CELF4: variants seen among roughly 807,000 people sequenced by gnomAD.
The protein encoded by CELF4 is CUGBP Elav-like family member 4.
In CELF4, 18 loss-of-function variants were observed where a neutral mutation model predicts 59.9. The ratio of observed to expected loss-of-function variants is 0.30; its 90% confidence interval spans 0.21 to 0.45. The LOEUF (loss-of-function observed/expected upper bound fraction) is 0.45. CELF4 is among the 20% of genes least tolerant of loss of function. The pLI, the probability that CELF4 is intolerant of heterozygous loss-of-function variation, is 1.00. For synonymous variants in CELF4, 261 were observed against 267.1 expected, an observed-to-expected ratio of 0.98 and a Z score of 0.22; for missense variants, 456 against 689.0, an observed-to-expected ratio of 0.66 and a Z score of 3.79.
At chr18:37,282,061 T>A (rs2094208877) in intron 3 of CELF4, among the ~76,000 whole-genome samples, 1 of 152,172 alleles carries the variant, frequency 6.6e-6, no homozygotes. Flanking sequence ...GCAAGGCATA[T>A]AACTCCCCAG....
chr18:37,330,900 C>T (rs1031812594), intron 2 of CELF4, among the ~76,000 whole-genome samples: 3 of 152,094 alleles, frequency 2.0e-5, no homozygotes, highest in Non-Finnish European at 4.4e-5. Flanking sequence ...GAAGTGGTGG[C>T]GATCATCATT....
At chr18:37,470,390 G>A (rs895694272) in intron 2 of CELF4, among the ~76,000 whole-genome samples, 2 of 152,164 alleles carry the variant, frequency 1.3e-5, no homozygotes, top group African/African-American at 4.8e-5. Context: ...CTACTCAAAA[G>A]TAATAAAACT....
At chr18:37,513,941 CGTGTGTGTGTGTGTGTGTGTGT>C (rs5824070) in intron 1 of CELF4, among the ~76,000 whole-genome samples, 1 of 144,244 alleles carries the variant, frequency 6.9e-6, no homozygotes, top group African/African-American at 2.6e-5. Context: ...TGTGTGGTGC[CGTGTGTGTGTGTGTGTGTGTGT>C]GTGTGTGTGT....
chr18:37,268,295 G>T (rs1224477463), intron 8 of CELF4, among the ~76,000 whole-genome samples: 2 of 152,130 alleles, frequency 1.3e-5, no homozygotes, highest in African/African-American at 2.4e-5. Context: ...GGCGCTGAGG[G>T]CTCCTCAGTG....
At chr18:37,275,314 G>C (rs538503560) in intron 3 of CELF4, 71 bp from the exon 4 acceptor site, 161 of 1,553,732 alleles carry the variant, frequency 1.0e-4, no homozygotes, top group Non-Finnish European at 1.3e-4. Flanking sequence ...AAGGCCGGAG[G>C]GGGAGAGCGG....
intron 2 of CELF4, among the ~76,000 whole-genome samples, chr18:37,327,969 A>T (rs1445683368): frequency 3.3e-5 from 5 of 152,214 alleles, no homozygotes; most frequent in East Asian, 1.9e-4. Flanking sequence ...TGATTGTCAC[A>T]CATGAACCTG....
intron 2 of CELF4, among the ~76,000 whole-genome samples, chr18:37,347,429 C>T (rs747828847): frequency 1.3e-4 from 20 of 152,136 alleles, no homozygotes; most frequent in African/African-American, 3.1e-4. Flanking sequence ...GCCCATCCCC[C>T]ACCCCTACAC....
At chr18:37,316,969 G>C (rs2096888250) in intron 3 of CELF4, among the ~76,000 whole-genome samples, 1 of 152,202 alleles carries the variant, frequency 6.6e-6, no homozygotes, top group Non-Finnish European at 1.5e-5. Flanking sequence ...GTAGGAGTTG[G>C]AATTTTGGTT....
At chr18:37,564,262 C>T (rs895471551) in intron 1 of CELF4, among the ~76,000 whole-genome samples, 2 of 152,206 alleles carry the variant, frequency 1.3e-5, no homozygotes, top group African/African-American at 4.8e-5. Context: ...CCGATTCATT[C>T]CCGCTGCACA....
chr18:37,532,666 A>G (rs1047188893), intron 1 of CELF4, among the ~76,000 whole-genome samples: 1 of 152,196 alleles, frequency 6.6e-6, no homozygotes, highest in African/African-American at 2.4e-5. Flanking sequence ...ACATGGTGTT[A>G]ATTTTCTGAC....
chr18:37,518,331 G>A (rs2099953261), intron 1 of CELF4, among the ~76,000 whole-genome samples: 2 of 152,190 alleles, frequency 1.3e-5, no homozygotes, highest in African/African-American at 4.8e-5. Flanking sequence ...AGACCCCTGG[G>A]CAATAAGCGA....
chr18:37,482,108 T>TTG (rs34634718), intron 2 of CELF4, among the ~76,000 whole-genome samples: 66 of 151,882 alleles, frequency 4.3e-4, no homozygotes, highest in African/African-American at 1.5e-3. Flanking sequence ...ATGTAGATAT[T>TTG]TGTGTGTGTG....
intron 2 of CELF4, among the ~76,000 whole-genome samples, chr18:37,417,974 AC>A (rs1481356018): frequency 1.3e-5 from 2 of 152,126 alleles, no homozygotes; most frequent in East Asian, 3.9e-4. Context: ...CTTGCTTTTA[AC>A]CCTCAGTTTA....
At chr18:37,299,900 T>G (rs1382969427) in intron 3 of CELF4, among the ~76,000 whole-genome samples, 1 of 151,696 alleles carries the variant, frequency 6.6e-6, no homozygotes, top group Non-Finnish European at 1.5e-5. Flanking sequence ...GGGCCCATAC[T>G]CCCCAGCTTG....
chr18:37,506,073 AC>A (rs1292049632), intron 1 of CELF4, among the ~76,000 whole-genome samples: 1 of 47,392 alleles, frequency 2.1e-5, no homozygotes, highest in East Asian at 7.2e-4. Flanking sequence ...CTCCCCTCCC[AC>A]CCCCAACGCC....
intron 1 of CELF4, among the ~76,000 whole-genome samples, chr18:37,558,806 C>CGTGT (rs147683102): frequency 0.19 from 27,262 of 145,394 alleles, 2,785 homozygotes; most frequent in Middle Eastern, 0.34. Flanking sequence ...GCTGTCAGGT[C>CGTGT]GTGTGTGTGT....
intron 1 of CELF4, among the ~76,000 whole-genome samples, chr18:37,556,744 G>T (rs1231460753): frequency 6.6e-6 from 1 of 152,182 alleles, no homozygotes; most frequent in Non-Finnish European, 1.5e-5. Context: ...TAGCTGGAGA[G>T]ATCTTTTGGA....
At chr18:37,380,236 G>T (rs1475723313) in intron 2 of CELF4, among the ~76,000 whole-genome samples, 2 of 152,076 alleles carry the variant, frequency 1.3e-5, no homozygotes, top group Non-Finnish European at 2.9e-5. Flanking sequence ...TTCTTGACAA[G>T]CACCACTCCC....
intron 1 of CELF4, among the ~76,000 whole-genome samples, chr18:37,488,046 G>A (rs1275472297): frequency 6.6e-6 from 1 of 150,628 alleles, no homozygotes; most frequent in African/African-American, 2.5e-5. Context: ...TAGCCCCCCA[G>A]GTGCACTCTG....
Sources: gnomAD v4.1 joint callset for allele counts (sites outside exome capture counted in the v4.1 genomes callset) on GRCh38, gnomAD v4.1.1 for gene constraint, MANE v1.5 for transcripts, NCBI Gene and HGNC (gene_info 2026-07-23, HGNC 2026-07-21) for gene names.